Variants in PEPD observed in about 807,000 individuals in gnomAD.
PEPD encodes peptidase D, also known as xaa-Pro dipeptidase.
Under a neutral mutation model 60.7 loss-of-function variants are expected in PEPD, and 53 were observed. The observed-to-expected ratio is 0.87, with a 90% CI of 0.70 to 1.10. The LOEUF (loss-of-function observed/expected upper bound fraction) is 1.10. Ranked by LOEUF, PEPD falls within the 50% of genes least tolerant of loss-of-function variation. PEPD has a pLI of 0.00. For synonymous variants in PEPD, 267 were observed against 284.1 expected (o/e 0.94, Z 0.60); for missense variants, 711 against 711.9 (o/e 1.00, Z 0.01).
chr19:33,463,304 C>A (rs980869226), intron 8 of PEPD, among the ~76,000 whole-genome samples: 2 of 152,206 alleles, frequency 1.3e-5, no homozygotes, highest in African/African-American at 4.8e-5. Flanking sequence ...TCAGAGGCCA[C>A]CAGCAGCCCG....
In PEPD at chr19:33,402,465, G is replaced by A. The variant is rs560035954; in HGVS notation, c.819-596C>T. On this transcript the variant is annotated intron_variant, in intron 11 of 14. Transcript: ENST00000244137. ...AGAGCATCTGGGCAGACACTCAGTC[G>A]GCGGCTAGGGCCTCTGGCTCTGCTG... is the stretch of plus-strand genomic sequence containing the variant. 7.9e-5 allele frequency among the ~76,000 whole-genome samples: 12 copies of A among 152,342 alleles called. No homozygotes were observed. In the South Asian group the frequency reaches 1.7e-3, roughly 21 times the overall value.
intron 11 of PEPD, among the ~76,000 whole-genome samples, chr19:33,402,502 C>A (rs1052279396): frequency 3.9e-5 from 6 of 152,190 alleles, no homozygotes; most frequent in Non-Finnish European, 1.5e-5. Flanking sequence ...AGCTCTGGGG[C>A]CCCCTAGCTG....
At chr19:33,476,537 T>G (rs545523370) in intron 7 of PEPD, among the ~76,000 whole-genome samples, 1 of 152,036 alleles carries the variant, frequency 6.6e-6, no homozygotes, top group Non-Finnish European at 1.5e-5. Flanking sequence ...GCTTCACCAC[T>G]CAGATCTGTC....
chr19:33,399,712 A>G (rs1356275225), intron 12 of PEPD, among the ~76,000 whole-genome samples: 1 of 152,188 alleles, frequency 6.6e-6, no homozygotes, highest in Non-Finnish European at 1.5e-5. Context: ...GGGACTGCTC[A>G]GTCGACCGCC....
At chr19:33,519,020 A>C (rs1971080112) in intron 1 of PEPD, among the ~76,000 whole-genome samples, 1 of 152,152 alleles carries the variant, frequency 6.6e-6, no homozygotes, top group Non-Finnish European at 1.5e-5. Flanking sequence ...GGAAAAAGCC[A>C]TGTGGGAGAG....
intron 9 of PEPD, among the ~76,000 whole-genome samples, chr19:33,418,053 C>T (rs1014952153): frequency 6.6e-6 from 1 of 152,206 alleles, no homozygotes; most frequent in Non-Finnish European, 1.5e-5. Flanking sequence ...GCCCCTCGCC[C>T]TCACGGAGCT....
At chr19:33,501,545 C>T (rs1241103553) in intron 3 of PEPD, among the ~76,000 whole-genome samples, 3 of 151,994 alleles carry the variant, frequency 2.0e-5, no homozygotes, top group Non-Finnish European at 2.9e-5. Context: ...GGCGCGGTGG[C>T]GGGTGCCTGT....
intron 4 of PEPD, among the ~76,000 whole-genome samples, chr19:33,499,812 G>A (rs1200751028): frequency 1.3e-5 from 2 of 152,232 alleles, no homozygotes; most frequent in African/African-American, 4.8e-5. Context: ...TGGCCCACCT[G>A]CAGTCAAAGA....
At chr19:33,390,518 G>C (rs563613897) in intron 13 of PEPD, among the ~76,000 whole-genome samples, 1 of 152,346 alleles carries the variant, frequency 6.6e-6, no homozygotes, top group African/African-American at 2.4e-5. Context: ...CCTTGTCTTG[G>C]CTAACTGGCT....
chr19:33,442,890 G>A (rs1371935823), intron 9 of PEPD, among the ~76,000 whole-genome samples: 2 of 152,148 alleles, frequency 1.3e-5, no homozygotes, highest in Non-Finnish European at 2.9e-5. Context: ...ACGTCCACCG[G>A]GGCTGTCCAC....
Position 33,415,456 on chromosome 19 carries a change from G to A in PEPD, c.672-1813C>T, listed in dbSNP as rs185304544. ...GGAGGCCAAGGTTGGAGGACTGCTT[G>A]AGGCCGGGAGTTCAAGACCAGCCTG... On this transcript the variant is annotated intron_variant, in intron 9 of 14. Coordinates refer to ENST00000244137, the MANE Select transcript of PEPD (RefSeq NM_000285.4). Among the ~76,000 whole-genome samples, 14 of 152,318 alleles carry A rather than the reference G, an allele frequency of 9.2e-5. No homozygotes were observed. The East Asian group carries it at 2.7e-3, about 29-fold the overall frequency.
At chr19:33,512,339 G>T (rs1568511832) in intron 2 of PEPD, among the ~76,000 whole-genome samples, 1 of 152,172 alleles carries the variant, frequency 6.6e-6, no homozygotes, top group Non-Finnish European at 1.5e-5. Flanking sequence ...TGTGCCTGGG[G>T]ACTGAGTGCT....
chr19:33,394,331 CA>C lies in PEPD; in HGVS notation c.968-2853del, dbSNP rs528048514. 3.9e-5 allele frequency among the ~76,000 whole-genome samples: 6 copies of C among 152,368 alleles called. No individual in the cohort carries two copies. The South Asian group carries it at 1.2e-3, about 32-fold the overall frequency. On this transcript the variant is annotated intron_variant, in intron 12 of 14. Coordinates refer to ENST00000244137, the MANE Select transcript of PEPD (RefSeq NM_000285.4). Reference sequence around the variant, plus strand: ...CCCAGCCTCCGCAGAGGGCGGGAATCAGGTATAAATCATGCTCTGCGGTGGC... The same window carrying C: ...CCCAGCCTCCGCAGAGGGCGGGAATCGGTATAAATCATGCTCTGCGGTGGC...
At chr19:33,513,130 T>C (rs904631700) in intron 1 of PEPD, among the ~76,000 whole-genome samples, 9 of 151,832 alleles carry the variant, frequency 5.9e-5, no homozygotes, top group Non-Finnish European at 7.4e-5. Flanking sequence ...TGGGGGCCAC[T>C]CTCTCTGCGG....
chr19:33,391,791 C>T (rs1968228424), intron 12 of PEPD, among the ~76,000 whole-genome samples: 2 of 152,206 alleles, frequency 1.3e-5, no homozygotes. Flanking sequence ...ATGGTGTGTC[C>T]ACCCTGAACA....
chr19:33,414,264 G>T (rs1197585992), intron 9 of PEPD, among the ~76,000 whole-genome samples: 1 of 152,180 alleles, frequency 6.6e-6, no homozygotes, highest in Non-Finnish European at 1.5e-5. Context: ...TGCTGGCTGG[G>T]CCCACTCTAC....
At chr19:33,445,848 C>T (rs921924400) in intron 9 of PEPD, among the ~76,000 whole-genome samples, 1 of 152,106 alleles carries the variant, frequency 6.6e-6, no homozygotes. Flanking sequence ...CCTCAGAGGA[C>T]ATCAGACAGG....
At chr19:33,428,260 T>A (rs987546350) in intron 9 of PEPD, among the ~76,000 whole-genome samples, 7 of 152,306 alleles carry the variant, frequency 4.6e-5, no homozygotes, top group African/African-American at 1.7e-4. Context: ...CCGGGTTTCC[T>A]GATGTGCTTT....
At chr19:33,489,337 A>T (rs1201126372) in intron 6 of PEPD, among the ~76,000 whole-genome samples, 1 of 152,000 alleles carries the variant, frequency 6.6e-6, no homozygotes, top group Non-Finnish European at 1.5e-5. Context: ...GGACTAAGAG[A>T]GGGGGCTTGG....
Sources: gnomAD v4.1 joint callset for allele counts (sites outside exome capture counted in the v4.1 genomes callset) on GRCh38, gnomAD v4.1.1 for gene constraint, MANE v1.5 for transcripts, NCBI Gene and HGNC (gene_info 2026-07-23, HGNC 2026-07-21) for gene names.